HEXB: variants seen among roughly 807,000 people sequenced by gnomAD.
HEXB encodes the protein beta-hexosaminidase subunit beta.
Under a neutral mutation model 71.2 loss-of-function variants are expected in HEXB, and 51 were observed. The ratio of observed to expected loss-of-function variants is 0.72; its 90% CI spans 0.57 to 0.90. The LOEUF is 0.90. Among genes scored for constraint, HEXB ranks in the 40% least tolerant of loss-of-function variants. The probability of loss-of-function intolerance (pLI) is 0.00; values close to 1 mark genes in which losing one functional copy is unlikely to be tolerated. For synonymous variants in HEXB, 266 were observed against 249.3 expected, an observed-to-expected ratio of 1.07 and a Z score of -0.63; for missense variants, 617 against 677.0, an observed-to-expected ratio of 0.91 and a Z score of 0.98.
At chr5:74,704,201 C>T (rs1749326097) in intron 5 of HEXB, among the ~76,000 whole-genome samples, 1 of 152,156 alleles carries the variant, frequency 6.6e-6, no homozygotes, top group South Asian at 2.1e-4. Flanking sequence ...ATATTTCTGG[C>T]TCCCTTCTCT....
intron 1 of HEXB, among the ~76,000 whole-genome samples, chr5:74,665,670 A>G (rs1580366959): frequency 6.6e-6 from 1 of 152,272 alleles, no homozygotes; most frequent in East Asian, 1.9e-4. Context: ...TAAATATTAC[A>G]GAAGACAGAT....
chr5:74,687,310 C>T (rs891891424), intron 1 of HEXB, among the ~76,000 whole-genome samples: 3 of 152,168 alleles, frequency 2.0e-5, no homozygotes, highest in Non-Finnish European at 4.4e-5. Context: ...GCGACGTGGT[C>T]AGGAACACAC....
chr5:74,642,991 A>G (rs1408322801), intron 1 of HEXB, among the ~76,000 whole-genome samples: 1 of 152,226 alleles, frequency 6.6e-6, no homozygotes, highest in Non-Finnish European at 1.5e-5. Context: ...CATTCGCTTC[A>G]TCTGCCTCGG....
rs766819796 is a variant in HEXB at position 74,689,481 on chromosome 5, C to A, written c.445+8C>A. ...TATCTTCAGATGAGTCTTGTAAGTA[C>A]CTATGCAATGTGAGTGTATTATATC... On this transcript the variant is annotated splice_region_variant and intron_variant, in intron 2 of 13. Coordinates refer to ENST00000261416, the MANE Select transcript of HEXB (RefSeq NM_000521.4). The A allele has an allele frequency of 6.2e-7, 1 of 1,611,362 alleles. No individual in the cohort carries two copies. The highest frequency in any genetic ancestry group is 8.5e-7 in the Non-Finnish European group (1 of 1,177,566).
chr5:74,713,503 C>A lies in HEXB; in HGVS notation c.772-3C>A, dbSNP rs1446542085. ...TTAACTTGAATAAATATGGCTTTTACAGGGAAGCTATTCTTTGTCTCATGT... is the reference window on the plus strand; with the variant it reads ...TTAACTTGAATAAATATGGCTTTTAAAGGGAAGCTATTCTTTGTCTCATGT... On this transcript the variant is annotated splice_region_variant and splice_polypyrimidine_tract_variant and intron_variant, in intron 6 of 13. Coordinates refer to ENST00000261416, the MANE Select transcript of HEXB (RefSeq NM_000521.4). The A allele has an allele frequency of 6.2e-7, 1 of 1,609,962 alleles. No homozygotes were observed. Among genetic ancestry groups the A allele is most frequent in the African/African-American group, 1.3e-5 (1 of 74,818 alleles).
intron 7 of HEXB, among the ~76,000 whole-genome samples, chr5:74,714,076 C>T (rs909446033): frequency 2.6e-5 from 4 of 152,338 alleles, no homozygotes; most frequent in Admixed American, 2.6e-4. Context: ...TCCTCATGAT[C>T]GGCCCGCCTC....
chr5:74,716,741 A>AT, intron 9 of HEXB, 68 bp downstream of exon 9: 1 of 983,678 alleles, frequency 1.0e-6, no homozygotes, highest in Non-Finnish European at 1.6e-6. Context: ...AATGTGCTTT[A>AT]TTTTTTACAT....
At chr5:74,683,770 C>T (rs1231980381), upstream of HEXB, among the ~76,000 whole-genome samples, 1 of 151,312 alleles carries the variant, frequency 6.6e-6, no homozygotes, top group Non-Finnish European at 1.5e-5. Flanking sequence ...AAGTGCCACA[C>T]TTTGGGGTCT....
rs1445165225 is a variant in HEXB at position 74,697,114 on chromosome 5, A to G, written c.669+8A>G. The G allele has an allele frequency of 8.6e-7, 1 of 1,167,462 alleles. No homozygotes were observed. The highest frequency in any genetic ancestry group is 1.2e-5 in the South Asian group (1 of 82,362). The allele number at this position is 1,167,462 out of a possible 1,614,324, so 72.3% of individuals were successfully genotyped here. ...ATTATTCTTAAAACTCTGGTAAGTAATTACTTCATTCTAATCTGTTGTCTA... is the reference window on the plus strand; with the variant it reads ...ATTATTCTTAAAACTCTGGTAAGTAGTTACTTCATTCTAATCTGTTGTCTA... On this transcript the variant is annotated splice_region_variant and intron_variant, in intron 5 of 13. Coordinates refer to ENST00000261416, the MANE Select transcript of HEXB (RefSeq NM_000521.4).
At chr5:74,656,601 C>T (rs1463668326) in intron 1 of HEXB, among the ~76,000 whole-genome samples, 3 of 151,974 alleles carry the variant, frequency 2.0e-5, no homozygotes, top group Admixed American at 1.3e-4. Context: ...CAGAGTGGAA[C>T]GTTCTAAAAT....
chr5:74,679,656 T>TG (rs1748701015), intron 1 of HEXB, among the ~76,000 whole-genome samples: 2 of 151,890 alleles, frequency 1.3e-5, no homozygotes, highest in African/African-American at 4.8e-5. Flanking sequence ...AAAAATTAGC[T>TG]GGGAGTGGTG....
At chr5:74,680,773 A>C (rs1271408230), upstream of HEXB, among the ~76,000 whole-genome samples, 2 of 152,228 alleles carry the variant, frequency 1.3e-5, no homozygotes, top group African/African-American at 4.8e-5. Context: ...AACTTGATTC[A>C]GATTCTGATT....
chr5:74,671,506 G>T (rs1243406017), intron 1 of HEXB, among the ~76,000 whole-genome samples: 1 of 152,130 alleles, frequency 6.6e-6, no homozygotes, highest in Non-Finnish European at 1.5e-5. Flanking sequence ...TACTTGTCTG[G>T]ATGGAAGGTA....
rs1034374127 is a variant in HEXB, at chr5:74,696,917, G to A, written c.559-79G>A. 4 of 819,092 alleles carry A rather than the reference G, an allele frequency of 4.9e-6. No individual in the cohort carries two copies. The African/African-American group carries it at 5.1e-5, about 10-fold the overall frequency. 50.7% of individuals were successfully genotyped at this position (819,092 alleles called of 1,614,324 possible). On this transcript the variant is annotated intron_variant, in intron 4 of 13. Transcript: ENST00000261416. The stretch of plus-strand genomic sequence containing the variant: ...TAAATTAATATTTTATGAAATGCTT[G>A]TATAAATAGATTTAGTCTTCATTGA...
upstream of HEXB, among the ~76,000 whole-genome samples, chr5:74,681,865 T>C (rs1455063608): frequency 6.6e-6 from 1 of 152,246 alleles, no homozygotes; most frequent in Non-Finnish European, 1.5e-5. Flanking sequence ...GAATATAATG[T>C]GGTAGCAGTG....
upstream of HEXB, among the ~76,000 whole-genome samples, chr5:74,683,944 C>T (rs1414476168): frequency 6.6e-6 from 1 of 151,694 alleles, no homozygotes; most frequent in Non-Finnish European, 1.5e-5. Context: ...CCTCAGGCTC[C>T]TGAGTAGCTG....
At chr5:74,703,642 C>T (rs1749313255) in intron 5 of HEXB, among the ~76,000 whole-genome samples, 1 of 152,002 alleles carries the variant, frequency 6.6e-6, no homozygotes, top group Non-Finnish European at 1.5e-5. Flanking sequence ...AAACCATACC[C>T]CAAAGGCCAA....
chr5:74,718,654 T>C, intron 10 of HEXB, 143 bp from the exon 11 acceptor site: 2 of 853,578 alleles, frequency 2.3e-6, no homozygotes, highest in Non-Finnish European at 1.9e-6. Context: ...TGGCACTAAC[T>C]CTGAAGAAAA....
chr5:74,689,127 C>G (rs111363275), intron 1 of HEXB, among the ~76,000 whole-genome samples: 1 of 152,096 alleles, frequency 6.6e-6, no homozygotes, highest in Non-Finnish European at 1.5e-5. Context: ...CTAATAGATT[C>G]TGATTCTGAA....
Sources: allele counts gnomAD v4.1 joint callset (sites outside exome capture counted in the v4.1 genomes callset), GRCh38; gene constraint gnomAD v4.1.1; transcripts MANE v1.5; gene names NCBI Gene and HGNC (gene_info 2026-07-23, HGNC 2026-07-21).